MAGI2: variants seen among roughly 807,000 people sequenced by gnomAD.
MAGI2 encodes the protein membrane-associated guanylate kinase, WW and PDZ domain-containing protein 2.
Under a neutral mutation model 133.3 loss-of-function variants are expected in MAGI2, and 35 were observed. The ratio of observed to expected loss-of-function variants is 0.26; its 90% CI spans 0.20 to 0.35. The LOEUF (loss-of-function observed/expected upper bound fraction) is 0.35. Ranked by LOEUF, MAGI2 falls within the 10% of genes least tolerant of loss-of-function variation. The pLI is 1.00. For synonymous variants in MAGI2, 729 were observed against 710.6 expected (o/e 1.03, Z -0.41); for missense variants, 1,636 against 1,863.4 (o/e 0.88, Z 2.25).
intron 1 of MAGI2, among the ~76,000 whole-genome samples, chr7:79,163,673 T>G (rs1028261735): frequency 2.0e-5 from 3 of 152,218 alleles, no homozygotes; most frequent in African/African-American, 7.2e-5. Flanking sequence ...GTAAACACAC[T>G]GTGAGTCTGA....
rs1038802557 is a variant in MAGI2 at position 78,729,569 on chromosome 7, T to C, written c.419-102330A>G. On this transcript the variant is annotated intron_variant, in intron 2 of 21. Transcript: ENST00000354212. Reference sequence around the variant, plus strand: ...AATATTTTTTGAACACAGTATGTTCTAGCTGTCAGACTAGGTGCTAAGGAT... The same window carrying C: ...AATATTTTTTGAACACAGTATGTTCCAGCTGTCAGACTAGGTGCTAAGGAT... Among the ~76,000 whole-genome samples, 5 of 152,342 alleles carry C rather than the reference T, an allele frequency of 3.3e-5. No individual in the cohort carries two copies. In the East Asian group the frequency reaches 5.8e-4, roughly 18 times the overall value.
At chr7:78,487,788 A>G (rs1000105039) in intron 6 of MAGI2, among the ~76,000 whole-genome samples, 13 of 152,090 alleles carry the variant, frequency 8.5e-5, no homozygotes, top group Non-Finnish European at 1.8e-4. Flanking sequence ...TTTTAAATAC[A>G]CATTTTATAT....
At chr7:78,105,869 C>T (rs1818630270) in intron 20 of MAGI2, among the ~76,000 whole-genome samples, 2 of 152,024 alleles carry the variant, frequency 1.3e-5, no homozygotes, top group East Asian at 3.9e-4. Flanking sequence ...AGAAACATTT[C>T]AATTCTACTT....
intron 2 of MAGI2, among the ~76,000 whole-genome samples, chr7:78,668,045 C>T (rs1813849194): frequency 6.6e-6 from 1 of 152,154 alleles, no homozygotes. Flanking sequence ...CACATCCTCT[C>T]CAGCACCTGT....
intron 1 of MAGI2, among the ~76,000 whole-genome samples, chr7:79,290,244 G>A (rs142928625): frequency 1.8e-3 from 267 of 151,788 alleles, no homozygotes; most frequent in African/African-American, 6.0e-3. Context: ...TCCTATTCTC[G>A]TACCACCTCA....
chr7:78,626,852 GTGTGTGTGTA>G (rs1462344988), intron 3 of MAGI2, among the ~76,000 whole-genome samples: 1 of 103,030 alleles, frequency 9.7e-6, no homozygotes, highest in African/African-American at 3.3e-5. Flanking sequence ...GTGTGTGTGT[GTGTGTGTGTA>G]TAAAATAGGT....
At chr7:78,561,093 A>T (rs1190577727) in intron 3 of MAGI2, among the ~76,000 whole-genome samples, 2 of 152,192 alleles carry the variant, frequency 1.3e-5, no homozygotes, top group African/African-American at 4.8e-5. Context: ...TGATACGCAT[A>T]AAATCTTTGG....
intron 16 of MAGI2, among the ~76,000 whole-genome samples, chr7:78,142,988 C>A (rs1008838574): frequency 2.6e-5 from 4 of 152,080 alleles, no homozygotes; most frequent in Non-Finnish European, 5.9e-5. Context: ...AAAATCTGGT[C>A]CCACTAAGCC....
chr7:78,225,972 C>T (rs1037273574), intron 10 of MAGI2, among the ~76,000 whole-genome samples: 15 of 152,146 alleles, frequency 9.9e-5, no homozygotes, highest in Admixed American at 3.9e-4. Flanking sequence ...GCTTCTCAAA[C>T]AATCTCTGGC....
intron 1 of MAGI2, among the ~76,000 whole-genome samples, chr7:79,242,248 A>G (rs1042142245): frequency 7.2e-5 from 11 of 152,170 alleles, no homozygotes; most frequent in Admixed American, 3.9e-4. Flanking sequence ...CCAGCCCACA[A>G]TGTATATATA....
At chr7:79,318,349 T>TTTAC (rs1362346687) in intron 1 of MAGI2, among the ~76,000 whole-genome samples, 1 of 152,168 alleles carries the variant, frequency 6.6e-6, no homozygotes, top group East Asian at 1.9e-4. Flanking sequence ...TGGGTTATAA[T>TTTAC]TTATTTGTCT....
chr7:78,351,726 G>A (rs886155342), intron 7 of MAGI2: 1 of 151,928 alleles, frequency 6.6e-6, no homozygotes, highest in South Asian at 2.1e-4. Context: ...CACCCTCCCT[G>A]ACTATATTTT....
At chr7:79,381,230 G>A (rs1740890808) in intron 1 of MAGI2, among the ~76,000 whole-genome samples, 1 of 151,644 alleles carries the variant, frequency 6.6e-6, no homozygotes, top group African/African-American at 2.4e-5. Context: ...CTGCCTGGAT[G>A]TAAAGCAGAC....
chr7:78,921,396 G>A (rs1011049405), intron 2 of MAGI2, among the ~76,000 whole-genome samples: 14 of 151,942 alleles, frequency 9.2e-5, no homozygotes, highest in African/African-American at 3.1e-4. Context: ...CATCCCTCCC[G>A]CCCCCTAATA....
chr7:78,094,025 CAT>C (rs1414740680), intron 20 of MAGI2, among the ~76,000 whole-genome samples: 2 of 152,228 alleles, frequency 1.3e-5, no homozygotes, highest in South Asian at 4.2e-4. Flanking sequence ...AATTCTAATT[CAT>C]ATATATATTT....
At chr7:78,237,113 T>C (rs1380571765) in intron 10 of MAGI2, among the ~76,000 whole-genome samples, 2 of 152,238 alleles carry the variant, frequency 1.3e-5, no homozygotes, top group East Asian at 3.9e-4. Flanking sequence ...CCAAACCATA[T>C]CATCCTGTTA....
At chr7:78,595,751 C>T (rs770135050) in intron 3 of MAGI2, among the ~76,000 whole-genome samples, 3 of 152,128 alleles carry the variant, frequency 2.0e-5, no homozygotes, top group Non-Finnish European at 2.9e-5. Context: ...TGGTGGGTTA[C>T]GGGGAGTAGA....
intron 2 of MAGI2, among the ~76,000 whole-genome samples, chr7:78,944,380 T>A (rs754243638): frequency 3.9e-5 from 6 of 152,108 alleles, no homozygotes; most frequent in Middle Eastern, 6.3e-3. Flanking sequence ...GTTTTCCTAA[T>A]GGTGTGTTAG....
intron 4 of MAGI2, among the ~76,000 whole-genome samples, chr7:78,514,940 C>T (rs1795914511): frequency 6.6e-6 from 1 of 152,152 alleles, no homozygotes; most frequent in Non-Finnish European, 1.5e-5. Context: ...TCTGTGTACA[C>T]ATACTGTATT....
Sources: gnomAD v4.1 joint callset for allele counts (sites outside exome capture counted in the v4.1 genomes callset) on GRCh38, gnomAD v4.1.1 for gene constraint, MANE v1.5 for transcripts, NCBI Gene and HGNC (gene_info 2026-07-23, HGNC 2026-07-21) for gene names.